UNC13C: variants seen among roughly 807,000 people sequenced by gnomAD.
UNC13C encodes the protein protein unc-13 homolog C.
In UNC13C, 174 loss-of-function variants were observed where a neutral mutation model predicts 245.4. The observed-to-expected ratio is 0.71, with a 90% CI of 0.63 to 0.80. The LOEUF (loss-of-function observed/expected upper bound fraction) is 0.80, where lower values mean the gene tolerates loss of function less well. Ranked by LOEUF, UNC13C falls within the 30% of genes least tolerant of loss-of-function variation. UNC13C has a pLI of 0.00. For missense variants in UNC13C, 2,829 were observed against 2,602.9 expected, an observed-to-expected ratio of 1.09 and a Z score of -1.89; for synonymous variants, 992 against 895.1, an observed-to-expected ratio of 1.11 and a Z score of -1.93.
chr15:54,125,948 A>G (rs111803710), intron 2 of UNC13C, among the ~76,000 whole-genome samples: 47 of 152,298 alleles, frequency 3.1e-4, no homozygotes, highest in African/African-American at 1.1e-3. Flanking sequence ...TTTTTATGCA[A>G]AAGAAAACTT....
intron 28 of UNC13C, among the ~76,000 whole-genome samples, chr15:54,552,677 TATA>T (rs1353584201): frequency 1.2e-5 from 1 of 84,262 alleles, no homozygotes; most frequent in Admixed American, 2.1e-4. Context: ...TACTATATAA[TATA>T]ATTATATAAT....
the UNC13C span, among the ~76,000 whole-genome samples, chr15:53,929,336 G>C: frequency 6.6e-6 from 1 of 152,112 alleles, no homozygotes; most frequent in African/African-American, 2.4e-5. Context: ...GATGAGATTT[G>C]GGTGGGGACA....
intron 23 of UNC13C, among the ~76,000 whole-genome samples, chr15:54,511,214 A>C (rs1426444337): frequency 6.6e-6 from 1 of 152,192 alleles, no homozygotes; most frequent in East Asian, 1.9e-4. Context: ...TGAATGATGG[A>C]TATGAGTCAA....
At chr15:53,858,663 C>T in the UNC13C span, among the ~76,000 whole-genome samples, 8 of 152,212 alleles carry the variant, frequency 5.3e-5, no homozygotes, top group East Asian at 1.5e-3. Context: ...TCATGATCCA[C>T]CCGCCTCAGC....
intron 6 of UNC13C, among the ~76,000 whole-genome samples, chr15:54,237,132 A>G (rs1163568806): frequency 1.3e-5 from 2 of 152,206 alleles, no homozygotes; most frequent in African/African-American, 4.8e-5. Context: ...GAACACTTAG[A>G]AAAAATATCT....
In UNC13C at chr15:54,471,615, T is replaced by C. The variant is rs936490683; in HGVS notation, c.4934-22993T>C. On this transcript the variant is annotated intron_variant, in intron 19 of 32. Coordinates refer to ENST00000260323, the MANE Select transcript of UNC13C (RefSeq NM_001080534.3). ...TGAAAAGACCTAACTATATGCTATA[T>C]GTAGGTAGCATATAGGTATAGTCTA... 3.9e-4 allele frequency among the ~76,000 whole-genome samples: 59 copies of C among 151,732 alleles called. 1 individual carries two copies. The highest frequency in any genetic ancestry group is 1.3e-3 in the African/African-American group (52 of 41,498).
intron 2 of UNC13C, among the ~76,000 whole-genome samples, chr15:54,094,702 C>T (rs533780711): frequency 8.5e-5 from 13 of 152,090 alleles, no homozygotes; most frequent in South Asian, 2.1e-4. Flanking sequence ...TCAATTAAAG[C>T]GCTCACTCCT....
intron 7 of UNC13C, among the ~76,000 whole-genome samples, chr15:54,241,016 C>T (rs566252224): frequency 6.6e-6 from 1 of 152,272 alleles, no homozygotes; most frequent in South Asian, 2.1e-4. Context: ...GCTTACCATA[C>T]AGTGGGAGGG....
chr15:54,064,462 C>A (rs185015770), intron 2 of UNC13C, among the ~76,000 whole-genome samples: 7 of 152,140 alleles, frequency 4.6e-5, no homozygotes, highest in African/African-American at 1.4e-4. Context: ...TTAGGATCAG[C>A]AGAGAATAAA....
intron 13 of UNC13C, among the ~76,000 whole-genome samples, chr15:54,319,919 G>A (rs1259434246): frequency 1.3e-5 from 2 of 151,974 alleles, no homozygotes; most frequent in African/African-American, 4.8e-5. Flanking sequence ...GACCCTTGAT[G>A]CTTCTGATGG....
intron 4 of UNC13C, among the ~76,000 whole-genome samples, chr15:54,154,965 T>C (rs1028071206): frequency 6.6e-6 from 1 of 152,204 alleles, no homozygotes; most frequent in African/African-American, 2.4e-5. Flanking sequence ...TTAAATAAAT[T>C]AGGTGCTCAG....
chr15:53,917,483 T>C, the UNC13C span, among the ~76,000 whole-genome samples: 1 of 152,204 alleles, frequency 6.6e-6, no homozygotes, highest in African/African-American at 2.4e-5. Context: ...AGGTAACAAG[T>C]GATCGTTGAT....
chr15:54,000,242 AAG>A (rs1200955815), intron 1 of UNC13C, among the ~76,000 whole-genome samples: 1 of 152,076 alleles, frequency 6.6e-6, no homozygotes, highest in Admixed American at 6.5e-5. Context: ...TTATAATAAA[AAG>A]AGTCAATTTC....
intron 20 of UNC13C, among the ~76,000 whole-genome samples, chr15:54,494,936 C>A (rs1252878102): frequency 1.3e-5 from 2 of 151,848 alleles, no homozygotes; most frequent in African/African-American, 4.8e-5. Flanking sequence ...TCAAATACGC[C>A]CTACCTGGAT....
chr15:53,854,725 G>A, the UNC13C span, among the ~76,000 whole-genome samples: 39,136 of 152,012 alleles, frequency 0.26, 6,159 homozygotes, highest in East Asian at 0.49. Context: ...AAGTCAGGTA[G>A]CGTGATGCCT....
the UNC13C span, among the ~76,000 whole-genome samples, chr15:53,882,480 T>C: frequency 1.3e-4 from 20 of 152,336 alleles, no homozygotes; most frequent in Non-Finnish European, 1.6e-4. Context: ...AATTTTATAA[T>C]ATGTCTGAGT....
At chr15:54,226,041 C>CT (rs2035371166) in intron 4 of UNC13C, among the ~76,000 whole-genome samples, 1 of 152,044 alleles carries the variant, frequency 6.6e-6, no homozygotes, top group South Asian at 2.1e-4. Flanking sequence ...GATTGAAGGC[C>CT]TTTTTGCATC....
intron 1 of UNC13C, among the ~76,000 whole-genome samples, chr15:53,986,622 A>G (rs1024609776): frequency 3.5e-4 from 54 of 152,216 alleles, no homozygotes; most frequent in African/African-American, 1.3e-3. Flanking sequence ...TAAAAATTAT[A>G]CAGTACCAAG....
At chr15:54,553,495 T>G (rs1201600825) in intron 28 of UNC13C, among the ~76,000 whole-genome samples, 2 of 138,800 alleles carry the variant, frequency 1.4e-5, no homozygotes, top group East Asian at 4.1e-4. Context: ...GTATTACATA[T>G]AATATATATT....
Sources: allele counts gnomAD v4.1 joint callset (sites outside exome capture counted in the v4.1 genomes callset), GRCh38; gene constraint gnomAD v4.1.1; transcripts MANE v1.5; gene names NCBI Gene and HGNC (gene_info 2026-07-23, HGNC 2026-07-21).